ZNF644: variants seen among roughly 807,000 people sequenced by gnomAD.
The protein encoded by ZNF644 is zinc finger motif enhancer binding protein 2.
In ZNF644, 20 loss-of-function variants were observed where a neutral mutation model predicts 108.0. That is an observed-to-expected ratio of 0.19 (90% CI 0.13 to 0.27). The LOEUF is 0.27. Ranked by LOEUF, ZNF644 falls within the 10% of genes least tolerant of loss-of-function variation. The pLI, the probability that ZNF644 is intolerant of heterozygous loss-of-function variation, is 1.00. For missense variants in ZNF644, 1,338 were observed against 1,548.9 expected (o/e 0.86, Z 2.29); for synonymous variants, 542 against 539.1 (o/e 1.01, Z -0.08).
chr1:91,002,342 TG>T lies in ZNF644; in HGVS notation c.-18+19647del, dbSNP rs539378402. The stretch of plus-strand genomic sequence containing the variant: ...GTACCAAAACAGAGATATAGACCAA[TG>T]GAACAGAACAGAGCCCTCAGAAATA... On this transcript the variant is annotated intron_variant, in intron 1 of 5. Transcript: ENST00000337393. 6.4e-3 allele frequency among the ~76,000 whole-genome samples: 966 copies of T among 152,076 alleles called. 19 individuals are homozygous for T. Among genetic ancestry groups the T allele is most frequent in the Non-Finnish European group, 3.9e-3 (267 of 67,990 alleles).
intron 2 of ZNF644, among the ~76,000 whole-genome samples, chr1:90,941,652 G>A (rs2100976221): frequency 6.6e-6 from 1 of 152,188 alleles, no homozygotes; most frequent in Non-Finnish European, 1.5e-5. Context: ...ATATGCTACA[G>A]ACTGAAAAAA....
chr1:90,962,753 A>G (rs74796846), intron 2 of ZNF644, among the ~76,000 whole-genome samples: 18,411 of 152,044 alleles, frequency 0.12, 1,146 homozygotes, highest in South Asian at 0.16. Context: ...ACTCAGTTAT[A>G]AAAACTAAAC....
intron 1 of ZNF644, among the ~76,000 whole-genome samples, chr1:90,987,639 A>G (rs2101559188): frequency 6.6e-6 from 1 of 152,058 alleles, no homozygotes; most frequent in Admixed American, 6.6e-5. Context: ...TCAAACTCAT[A>G]AAGAATTCAA....
chr1:90,970,331 G>C (rs942116699), intron 2 of ZNF644, among the ~76,000 whole-genome samples: 14 of 152,134 alleles, frequency 9.2e-5, no homozygotes, highest in African/African-American at 2.4e-5. Flanking sequence ...TCTTGTCGCT[G>C]AGAAAATTCT....
At chr1:90,969,853 T>C (rs1013235556) in intron 2 of ZNF644, among the ~76,000 whole-genome samples, 21 of 152,232 alleles carry the variant, frequency 1.4e-4, no homozygotes, top group Middle Eastern at 3.2e-3. Flanking sequence ...GGTACTGGAA[T>C]GTATCCCCCA....
chr1:91,017,692 T>G (rs1660547784), intron 1 of ZNF644, among the ~76,000 whole-genome samples: 1 of 152,178 alleles, frequency 6.6e-6, no homozygotes, highest in Admixed American at 6.5e-5. Context: ...CCAGGTGCGG[T>G]GGCTCACGCC....
chr1:90,926,940 A>G (rs1435616259), intron 4 of ZNF644, among the ~76,000 whole-genome samples: 1 of 152,192 alleles, frequency 6.6e-6, no homozygotes, highest in Non-Finnish European at 1.5e-5. Flanking sequence ...CCAACATCTT[A>G]GACTAGCGTT....
In ZNF644 at chr1:90,939,938, C is replaced by T. The variant is rs371523011; in HGVS notation, c.1416G>A (p.Glu472=). The T allele has an allele frequency of 3.2e-4, 509 of 1,613,934 alleles. 2 individuals are homozygous for T. Among genetic ancestry groups the T allele is most frequent in the South Asian group, 5.3e-4 (48 of 91,084 alleles). ...TTTCCTCCATCAACTTCTGTCTTCT[C>T]TCCTGGTGAATAATCATATGTTTTA... ...SLLKHMIIHQ[E]RRQKLMEEIR... The change falls in exon 3 of 6, where the codon GAG becomes GAA. Residue 472 remains glutamate, a synonymous_variant. Coordinates refer to ENST00000337393, the MANE Select transcript of ZNF644 (RefSeq NM_201269.3).
intron 2 of ZNF644, among the ~76,000 whole-genome samples, chr1:90,950,059 C>A (rs954758959): frequency 1.3e-5 from 2 of 151,466 alleles, no homozygotes; most frequent in African/African-American, 4.9e-5. Context: ...GGGCAGATTG[C>A]CTGAGCTCAG....
At chr1:90,941,572 C>T (rs935749235) in intron 2 of ZNF644, among the ~76,000 whole-genome samples, 2 of 152,082 alleles carry the variant, frequency 1.3e-5, no homozygotes, top group African/African-American at 2.4e-5. Flanking sequence ...AAGCAACATA[C>T]ACAAACACAC....
At chr1:90,974,212 C>T (rs56733624) in intron 2 of ZNF644, among the ~76,000 whole-genome samples, 1,620 of 152,044 alleles carry the variant, frequency 0.011, 28 homozygotes, top group African/African-American at 0.037. Context: ...AGGTGGTGGG[C>T]GCCAGTAATC....
chr1:91,004,346 T>C (rs992005300), intron 1 of ZNF644, among the ~76,000 whole-genome samples: 1 of 152,156 alleles, frequency 6.6e-6, no homozygotes, highest in South Asian at 2.1e-4. Context: ...CAAACAACTT[T>C]AGTAACATTA....
intron 2 of ZNF644, among the ~76,000 whole-genome samples, chr1:90,947,794 A>C (rs972076985): frequency 2.0e-5 from 3 of 152,174 alleles, no homozygotes; most frequent in African/African-American, 7.2e-5. Flanking sequence ...TAATACATCT[A>C]AACTATTGAA....
At chr1:90,972,411 A>G (rs1177464260) in intron 2 of ZNF644, among the ~76,000 whole-genome samples, 3 of 152,214 alleles carry the variant, frequency 2.0e-5, no homozygotes, top group Non-Finnish European at 2.9e-5. Context: ...GACAAATACA[A>G]ATCAAAACCA....
chr1:91,010,706 T>G (rs1049974940), intron 1 of ZNF644, among the ~76,000 whole-genome samples: 1 of 152,320 alleles, frequency 6.6e-6, no homozygotes, highest in Non-Finnish European at 1.5e-5. Flanking sequence ...TTAAGTACTC[T>G]TCAAGCTATA....
intron 2 of ZNF644, among the ~76,000 whole-genome samples, chr1:90,968,316 G>A (rs1655134522): frequency 6.6e-6 from 1 of 152,000 alleles, no homozygotes; most frequent in Non-Finnish European, 1.5e-5. Flanking sequence ...TTTACAATAG[G>A]GTAATGTCAA....
rs933903371 is a variant in ZNF644, at chr1:90,916,132, T to C, written c.*666A>G. 2 of 152,588 alleles carry C rather than the reference T, an allele frequency of 1.3e-5. No homozygotes were observed. Among genetic ancestry groups the C allele is most frequent in the Admixed American group, 6.5e-5 (1 of 15,268 alleles). The allele number at this position is 152,588 out of a possible 1,614,324, so 9.5% of individuals were successfully genotyped here. ...AGAAATGCAACTGGAGTAAAGAATA[T>C]TTCCTTACCACAAATAATTTCCAGA... On this transcript the variant is annotated 3_prime_UTR_variant, in exon 6 of 6. Transcript: ENST00000337393.
chr1:91,008,675 G>A (rs1167247012), intron 1 of ZNF644, among the ~76,000 whole-genome samples: 1 of 152,180 alleles, frequency 6.6e-6, no homozygotes, highest in East Asian at 1.9e-4. Flanking sequence ...ATAGTAGGGA[G>A]CAACCCACTG....
intron 4 of ZNF644, among the ~76,000 whole-genome samples, chr1:90,919,438 T>C (rs576512612): frequency 6.6e-6 from 1 of 152,214 alleles, no homozygotes; most frequent in South Asian, 2.1e-4. Flanking sequence ...ACAAAACCAG[T>C]AAACATAGTT....
Sources: gnomAD v4.1 joint callset for allele counts (sites outside exome capture counted in the v4.1 genomes callset) on GRCh38, gnomAD v4.1.1 for gene constraint, MANE v1.5 for transcripts, NCBI Gene and HGNC (gene_info 2026-07-23, HGNC 2026-07-21) for gene names.